The following RTN4 variants were observed in gnomAD, a reference collection of about 807,000 sequenced individuals.
The protein encoded by RTN4 is reticulon-4.
In RTN4, 32 loss-of-function variants were observed where a neutral mutation model predicts 90.4. The observed-to-expected ratio is 0.35, with a 90% CI of 0.27 to 0.48. The LOEUF (loss-of-function observed/expected upper bound fraction) is 0.48, where lower values mean the gene tolerates loss of function less well. Among genes scored for constraint, RTN4 ranks in the 20% least tolerant of loss-of-function variants. The probability of loss-of-function intolerance (pLI) is 0.99; values close to 1 mark genes in which losing one functional copy is unlikely to be tolerated. For synonymous variants in RTN4, 629 were observed against 552.5 expected (o/e 1.14, Z -1.94); for missense variants, 1,706 against 1,430.2 (o/e 1.19, Z -3.11).
At chr2:54,973,496 A>G (rs1573251047) in intron 8 of RTN4, 67 bp downstream of exon 8, 15 of 1,257,292 alleles carry the variant, frequency 1.2e-5, no homozygotes, top group Non-Finnish European at 1.7e-5. Flanking sequence ...CTGCAATATG[A>G]AAATACTGTT....
intron 1 of RTN4, among the ~76,000 whole-genome samples, chr2:55,029,269 G>T (rs1425767797): frequency 1.3e-5 from 2 of 152,182 alleles, no homozygotes; most frequent in Non-Finnish European, 2.9e-5. Context: ...CCAGAATTGT[G>T]AGAAGTAAAT....
intron 2 of RTN4, among the ~76,000 whole-genome samples, chr2:55,068,923 G>A (rs1300178229): frequency 1.2e-4 from 18 of 152,196 alleles, no homozygotes; most frequent in African/African-American, 2.4e-5. Flanking sequence ...GCATGGAGGT[G>A]AAGAACACAA....
intron 2 of RTN4, among the ~76,000 whole-genome samples, chr2:55,072,472 G>A (rs751344459): frequency 5.9e-5 from 9 of 152,110 alleles, no homozygotes; most frequent in African/African-American, 9.6e-5. Flanking sequence ...CTCGTGATCC[G>A]CCTGCCTCAG....
At chr2:55,067,476 G>A (rs1372681432) in intron 2 of RTN4, among the ~76,000 whole-genome samples, 2 of 149,588 alleles carry the variant, frequency 1.3e-5, no homozygotes, top group Non-Finnish European at 2.9e-5. Flanking sequence ...GCAGTTGCAC[G>A]ATCTCAGCTC....
chr2:55,045,672 GT>G (rs1306480062), intron 1 of RTN4, among the ~76,000 whole-genome samples: 4 of 152,064 alleles, frequency 2.6e-5, no homozygotes, highest in Admixed American at 2.6e-4. Flanking sequence ...AACAATTTTG[GT>G]TTCATAATAT....
rs758848312 is a variant in RTN4, at chr2:55,026,433, G to C, written c.1666C>G (p.Gln556Glu). Reference protein sequence around the residue: ...MPEGLTPDLVQEACESELNEV... With the variant: ...MPEGLTPDLVEEACESELNEV... ...TTCAATTCACTTTCACATGCTTCCT[G>C]TACTAAATCTGGAGTCAGGCCTTCA... is the stretch of plus-strand genomic sequence containing the variant. Residue 556 changes from glutamine (Q) to glutamate (E), a missense_variant, in exon 3 of 9, where the codon CAG (glutamine) becomes GAG (glutamate). Gln to Glu is a conservative substitution (Grantham distance 29). Transcript: ENST00000337526. 9 of 1,613,834 alleles carry C rather than the reference G, an allele frequency of 5.6e-6. No homozygotes were observed.
At chr2:55,013,495 C>T (rs1172721043) in intron 3 of RTN4, among the ~76,000 whole-genome samples, 2 of 151,610 alleles carry the variant, frequency 1.3e-5, no homozygotes, top group Non-Finnish European at 2.9e-5. Context: ...ACCCTCGTTT[C>T]CTTCATGCAC....
chr2:55,076,552 A>G (rs1573501032), intron 2 of RTN4, among the ~76,000 whole-genome samples: 4 of 151,674 alleles, frequency 2.6e-5, no homozygotes, highest in Admixed American at 2.6e-4. Context: ...GGCATGCATA[A>G]CCACGCTGAG....
At position 54,980,319 on chromosome 2, in the gene RTN4, TA is replaced by T. The variant is rs1257080529; in HGVS notation, c.3360+2195del. 2.6e-5 allele frequency among the ~76,000 whole-genome samples: 4 copies of T among 151,968 alleles called. No homozygotes were observed. In the East Asian group the frequency reaches 7.8e-4, roughly 29 times the overall value. On this transcript the variant is annotated intron_variant, in intron 5 of 8. Transcript: ENST00000337526. The stretch of plus-strand genomic sequence containing the variant: ...TCTTAAGATCTCATCAGCCCCTTTC[TA>T]ACATTTTCTCTCTCCTCTTGCCCCG...
chr2:55,078,246 T>A (rs1012191458), intron 2 of RTN4, among the ~76,000 whole-genome samples: 1 of 152,328 alleles, frequency 6.6e-6, no homozygotes, highest in Admixed American at 6.5e-5. Context: ...TTTATTTTTT[T>A]AAATTTACTA....
At chr2:55,060,408 G>A (rs187892798) in intron 2 of RTN4, among the ~76,000 whole-genome samples, 1 of 152,166 alleles carries the variant, frequency 6.6e-6, no homozygotes, top group Admixed American at 6.5e-5. Flanking sequence ...CTATTTTTAA[G>A]TGCAGTGATC....
intron 5 of RTN4, among the ~76,000 whole-genome samples, chr2:54,981,344 T>A (rs1471085708): frequency 6.6e-6 from 1 of 151,982 alleles, no homozygotes; most frequent in Non-Finnish European, 1.5e-5. Context: ...TCAGAAATTG[T>A]TTTTCTGAGT....
At chr2:55,044,785 TAAAAAAA>T (rs10639848) in intron 1 of RTN4, among the ~76,000 whole-genome samples, 2 of 65,664 alleles carry the variant, frequency 3.0e-5, no homozygotes, top group East Asian at 5.5e-4. Context: ...TGCAAATCAC[TAAAAAAA>T]AAAAAAAAAA....
At chr2:54,995,309 T>A (rs1302035181) in intron 3 of RTN4, among the ~76,000 whole-genome samples, 2 of 152,030 alleles carry the variant, frequency 1.3e-5, no homozygotes, top group East Asian at 3.9e-4. Context: ...TAAAGTAAGC[T>A]ATATATACAT....
the RTN4 span, among the ~76,000 whole-genome samples, chr2:55,130,002 G>A: frequency 6.6e-6 from 1 of 152,206 alleles, no homozygotes; most frequent in Non-Finnish European, 1.5e-5. Context: ...TACTTCTAAT[G>A]TCTAACCTTG....
chr2:54,989,523 T>C (rs928800142), intron 3 of RTN4, among the ~76,000 whole-genome samples: 2 of 152,178 alleles, frequency 1.3e-5, no homozygotes, highest in Non-Finnish European at 2.9e-5. Context: ...TAATGTCATA[T>C]TGAATAAAGA....
At chr2:55,042,634 G>C (rs1558844720) in intron 1 of RTN4, among the ~76,000 whole-genome samples, 1 of 152,136 alleles carries the variant, frequency 6.6e-6, no homozygotes, top group African/African-American at 2.4e-5. Flanking sequence ...GTACTGTTTG[G>C]AATTGTTACC....
intron 8 of RTN4, 175 bp from the exon 9 acceptor site, chr2:54,973,373 G>A (rs1677297871): frequency 1.3e-6 from 1 of 754,820 alleles, no homozygotes; most frequent in African/African-American, 1.8e-5. Context: ...TTTAAACAAA[G>A]CCTTAAACAC....
At chr2:55,114,693 T>A (rs868575427), upstream of RTN4, among the ~76,000 whole-genome samples, 1 of 152,156 alleles carries the variant, frequency 6.6e-6, no homozygotes, top group Non-Finnish European at 1.5e-5. Context: ...AGTGAGACTC[T>A]GTCTCTAAAT....
Sources: allele counts gnomAD v4.1 joint callset (sites outside exome capture counted in the v4.1 genomes callset), GRCh38; gene constraint gnomAD v4.1.1; transcripts MANE v1.5; gene names NCBI Gene and HGNC (gene_info 2026-07-23, HGNC 2026-07-21).